RNF38: variants seen among roughly 807,000 people sequenced by gnomAD.
RNF38 encodes E3 ubiquitin-protein ligase RNF38.
Under a neutral mutation model 67.2 loss-of-function variants are expected in RNF38, and 15 were observed. The observed-to-expected ratio is 0.22, with a 90% CI of 0.15 to 0.34. The LOEUF is 0.34. Ranked by LOEUF, RNF38 falls within the 10% of genes least tolerant of loss-of-function variation. RNF38 has a pLI of 1.00. For synonymous variants in RNF38, 220 were observed against 218.8 expected, an observed-to-expected ratio of 1.01 and a Z score of -0.05; for missense variants, 524 against 639.9, an observed-to-expected ratio of 0.82 and a Z score of 1.95.
chr9:36,473,459 G>A (rs981113754), intron 1 of RNF38, among the ~76,000 whole-genome samples: 17 of 151,430 alleles, frequency 1.1e-4, no homozygotes, highest in East Asian at 3.9e-4. Flanking sequence ...ATGGTGGTGC[G>A]CACCTGTAAT....
intron 1 of RNF38, among the ~76,000 whole-genome samples, chr9:36,426,496 T>A (rs1415795449): frequency 6.6e-6 from 1 of 152,222 alleles, no homozygotes; most frequent in African/African-American, 2.4e-5. Flanking sequence ...CGCGTACCAA[T>A]CCATTCCTTT....
intron 1 of RNF38, among the ~76,000 whole-genome samples, chr9:36,459,403 T>C (rs1236158696): frequency 1.3e-5 from 2 of 152,134 alleles, no homozygotes; most frequent in Non-Finnish European, 2.9e-5. Flanking sequence ...GTTAAGGCAT[T>C]TACTCCTTTT....
Position 36,363,052 on chromosome 9 carries a change from G to T in RNF38, c.571-5110C>A, listed in dbSNP as rs1378666786. Among the ~76,000 whole-genome samples, 2 of 99,146 alleles carry T rather than the reference G, an allele frequency of 2.0e-5. 1 individual carries two copies. Among genetic ancestry groups the T allele is most frequent in the African/African-American group, 6.0e-5 (2 of 33,076 alleles). The allele number at this position is 99,146 out of a possible 152,430, so 65.0% of individuals were successfully genotyped here. A position where few individuals can be genotyped will look rare whatever the true frequency, so the allele number is the denominator to read the frequency against. ...AATTGTTTCAGTCTATGAGACAGGGGTCTTGCTCTATCATCCATCCATCCA... is the reference window on the plus strand; with the variant it reads ...AATTGTTTCAGTCTATGAGACAGGGTTCTTGCTCTATCATCCATCCATCCA... On this transcript the variant is annotated intron_variant, in intron 4 of 11. Coordinates refer to ENST00000259605, the MANE Select transcript of RNF38 (RefSeq NM_022781.5).
At chr9:36,455,446 T>G (rs1405034661) in intron 1 of RNF38, among the ~76,000 whole-genome samples, 2 of 152,080 alleles carry the variant, frequency 1.3e-5, no homozygotes, top group Non-Finnish European at 2.9e-5. Context: ...GAGTCAACTC[T>G]CAATTATCTC....
chr9:36,438,483 C>A (rs900902307), intron 1 of RNF38, among the ~76,000 whole-genome samples: 3 of 151,804 alleles, frequency 2.0e-5, no homozygotes, highest in African/African-American at 4.8e-5. Flanking sequence ...CAAGACAATT[C>A]TTCTTCTTCC....
chr9:36,460,463 C>T (rs1839701053), intron 1 of RNF38, among the ~76,000 whole-genome samples: 1 of 152,078 alleles, frequency 6.6e-6, no homozygotes, highest in Non-Finnish European at 1.5e-5. Flanking sequence ...GACCCCATCA[C>T]CAAGAACAGG....
At chr9:36,458,684 C>T (rs868592464) in intron 1 of RNF38, among the ~76,000 whole-genome samples, 7 of 152,178 alleles carry the variant, frequency 4.6e-5, no homozygotes, top group Admixed American at 2.6e-4. Flanking sequence ...TCTGGAGGAA[C>T]AAACTCTGGA....
intron 2 of RNF38, among the ~76,000 whole-genome samples, chr9:36,377,133 C>G (rs1167276551): frequency 6.6e-6 from 1 of 152,124 alleles, no homozygotes; most frequent in East Asian, 1.9e-4. Context: ...CTCCAGGGTT[C>G]TCCACCTGAC....
At chr9:36,341,797 T>G (rs1832854544) in intron 11 of RNF38, among the ~76,000 whole-genome samples, 1 of 10,592 alleles carries the variant, frequency 9.4e-5, no homozygotes, top group Non-Finnish European at 2.2e-4. Context: ...TTTCAAAATA[T>G]ATATATATAT....
At chr9:36,369,674 AC>A (rs1326720303) in intron 4 of RNF38, 44 bp downstream of exon 4, 9 of 1,456,686 alleles carry the variant, frequency 6.2e-6, no homozygotes, top group Non-Finnish European at 8.3e-6. Flanking sequence ...TCAAACTGCC[AC>A]AAAATTTCAG....
chr9:36,453,317 C>T (rs1193728668), intron 1 of RNF38, among the ~76,000 whole-genome samples: 1 of 151,916 alleles, frequency 6.6e-6, no homozygotes, highest in African/African-American at 2.4e-5. Flanking sequence ...AGAACTCAAG[C>T]AATCTTGCTG....
At chr9:36,421,833 G>A (rs1587109125) in intron 2 of RNF38, among the ~76,000 whole-genome samples, 2 of 152,280 alleles carry the variant, frequency 1.3e-5, no homozygotes, top group South Asian at 4.1e-4. Flanking sequence ...ATACCCACGT[G>A]TCATAGAAAG....
At chr9:36,365,754 C>G (rs979815785) in intron 4 of RNF38, among the ~76,000 whole-genome samples, 9 of 149,578 alleles carry the variant, frequency 6.0e-5, no homozygotes, top group Non-Finnish European at 1.3e-4. Context: ...CAACCTCCGC[C>G]TCCCGGGTTC....
chr9:36,353,746 A>G (rs1833873496), intron 6 of RNF38, among the ~76,000 whole-genome samples: 1 of 152,260 alleles, frequency 6.6e-6, no homozygotes, highest in Non-Finnish European at 1.5e-5. Context: ...TTTATAAATC[A>G]GAAACAGGGC....
intron 1 of RNF38, among the ~76,000 whole-genome samples, chr9:36,473,987 G>A (rs1171084750): frequency 1.7e-5 from 2 of 115,472 alleles, no homozygotes; most frequent in African/African-American, 6.6e-5. Flanking sequence ...CTCCATCTCG[G>A]GAAAAAAAAA....
chr9:36,455,593 C>A (rs1408954743), intron 1 of RNF38, among the ~76,000 whole-genome samples: 1 of 151,876 alleles, frequency 6.6e-6, no homozygotes, highest in Non-Finnish European at 1.5e-5. Flanking sequence ...CCAGCCTGGC[C>A]AAGATGGTGA....
chr9:36,372,076 G>T (rs893214298), intron 3 of RNF38, among the ~76,000 whole-genome samples: 2 of 151,790 alleles, frequency 1.3e-5, no homozygotes, highest in African/African-American at 4.8e-5. Context: ...GACTACAGGC[G>T]TCTGCCACCT....
intron 4 of RNF38, among the ~76,000 whole-genome samples, chr9:36,367,716 T>A (rs74624914): frequency 6.6e-6 from 1 of 152,198 alleles, no homozygotes; most frequent in Middle Eastern, 3.2e-3. Flanking sequence ...CAGCTTTCTT[T>A]TGTTGTATTC....
intron 1 of RNF38, among the ~76,000 whole-genome samples, chr9:36,431,725 G>A (rs1838938960): frequency 6.6e-6 from 1 of 152,156 alleles, no homozygotes; most frequent in South Asian, 2.1e-4. Context: ...AGGCATGACT[G>A]ATAAAAATCA....
Sources: gnomAD v4.1 joint callset for allele counts (sites outside exome capture counted in the v4.1 genomes callset) on GRCh38, gnomAD v4.1.1 for gene constraint, MANE v1.5 for transcripts, NCBI Gene and HGNC (gene_info 2026-07-23, HGNC 2026-07-21) for gene names.